NAV3: variants seen among roughly 807,000 people sequenced by gnomAD.
NAV3 encodes pore membrane and/or filament interacting like protein 1.
In NAV3, 87 loss-of-function variants were observed where a neutral mutation model predicts 244.7. The observed-to-expected ratio is 0.36, with a 90% CI of 0.30 to 0.42. The LOEUF (loss-of-function observed/expected upper bound fraction) is 0.42, where lower values mean the gene tolerates loss of function less well. NAV3 is among the 20% of genes least tolerant of loss of function. The pLI is 1.00. For missense variants in NAV3, 2,663 were observed against 2,893.3 expected (o/e 0.92, Z 1.83); for synonymous variants, 1,126 against 1,042.2 (o/e 1.08, Z -1.55).
chr12:78,030,218 G>A (rs879562070), intron 9 of NAV3, among the ~76,000 whole-genome samples: 1 of 152,116 alleles, frequency 6.6e-6, no homozygotes, highest in African/African-American at 2.4e-5. Flanking sequence ...ATAAAAGAAT[G>A]AACCTCTCAG....
chr12:77,758,782 G>C (rs1047807505), intron 2 of NAV3, among the ~76,000 whole-genome samples: 2 of 152,176 alleles, frequency 1.3e-5, no homozygotes, highest in Admixed American at 6.5e-5. Flanking sequence ...GGAAATAAAT[G>C]AGAGAAAATA....
At chr12:77,629,875 A>G (rs143267124) in intron 2 of NAV3, among the ~76,000 whole-genome samples, 1 of 152,300 alleles carries the variant, frequency 6.6e-6, no homozygotes, top group Non-Finnish European at 1.5e-5. Context: ...GGTTGGACGA[A>G]TCCATAAAAA....
At chr12:77,598,297 T>C (rs1452311730) in intron 2 of NAV3, among the ~76,000 whole-genome samples, 1 of 152,102 alleles carries the variant, frequency 6.6e-6, no homozygotes, top group Non-Finnish European at 1.5e-5. Context: ...TGTATGGATG[T>C]ATCCCAATCT....
intron 4 of NAV3, 125 bp from the exon 5 acceptor site, chr12:77,968,394 T>G (rs1218900816): frequency 9.3e-6 from 7 of 749,330 alleles, no homozygotes; most frequent in Admixed American, 2.5e-5. Flanking sequence ...GATTCAACTG[T>G]GACTGAGAGA....
intron 1 of NAV3, among the ~76,000 whole-genome samples, chr12:77,870,381 G>C (rs551183210): frequency 7.4e-6 from 1 of 135,960 alleles, no homozygotes; most frequent in African/African-American, 2.7e-5. Flanking sequence ...AAAAAAAAAA[G>C]AAAAGTTTCT....
At chr12:78,206,982 C>T (rs1249192529) in intron 39 of NAV3, among the ~76,000 whole-genome samples, 1 of 151,348 alleles carries the variant, frequency 6.6e-6, no homozygotes, top group Non-Finnish European at 1.5e-5. Flanking sequence ...CCTCAGCCTC[C>T]AGAGTAGCTG....
chr12:77,984,479 A>ATT (rs33928359), intron 5 of NAV3, among the ~76,000 whole-genome samples: 24,036 of 146,050 alleles, frequency 0.16, 2,233 homozygotes, highest in African/African-American at 0.25. Flanking sequence ...TCAAGTATGC[A>ATT]TTTTTTTTTT....
At chr12:78,008,577 C>A (rs1201718414) in intron 8 of NAV3, among the ~76,000 whole-genome samples, 1 of 151,728 alleles carries the variant, frequency 6.6e-6, no homozygotes, top group Non-Finnish European at 1.5e-5. Context: ...AAGAAAGGGT[C>A]AAAACTATAT....
chr12:77,816,689 A>C (rs1183556495), intron 2 of NAV3, among the ~76,000 whole-genome samples: 1 of 152,012 alleles, frequency 6.6e-6, no homozygotes, highest in Admixed American at 6.6e-5. Context: ...TGTGCCATTT[A>C]CCTCCATGTT....
chr12:78,176,976 C>T (rs546423284), intron 26 of NAV3, among the ~76,000 whole-genome samples, 165 bp from the exon 27 acceptor site: 6 of 152,094 alleles, frequency 3.9e-5, no homozygotes, highest in Admixed American at 1.3e-4. Flanking sequence ...ACACAAAACA[C>T]GGTATCATTT....
In NAV3 at chr12:77,854,381, G is replaced by A. The variant is rs555747144; in HGVS notation, c.243+22677G>A. On this transcript the variant is annotated intron_variant, in intron 1 of 39. Coordinates refer to ENST00000397909, the MANE Select transcript of NAV3 (RefSeq NM_001024383.2). ...TAAATCTGCATAAATCCCCTAAATC[G>A]TACTTTTATGATTATTATCAAACAA... 1.7e-4 allele frequency among the ~76,000 whole-genome samples: 26 copies of A among 152,130 alleles called. 1 individual carries two copies. In the South Asian group the frequency reaches 5.0e-3, roughly 29 times the overall value.
chr12:77,785,865 C>T (rs1040743872), intron 2 of NAV3, among the ~76,000 whole-genome samples: 1 of 152,180 alleles, frequency 6.6e-6, no homozygotes, highest in Non-Finnish European at 1.5e-5. Context: ...AACCTGTGGT[C>T]ATCCCTCCTT....
intron 2 of NAV3, among the ~76,000 whole-genome samples, chr12:77,655,301 T>C (rs574762263): frequency 1.3e-5 from 2 of 151,962 alleles, no homozygotes; most frequent in Non-Finnish European, 2.9e-5. Flanking sequence ...GAGAACTACG[T>C]GAAGAATGCA....
At chr12:77,578,147 A>G (rs1449766901) in intron 2 of NAV3, among the ~76,000 whole-genome samples, 1 of 152,236 alleles carries the variant, frequency 6.6e-6, no homozygotes, top group Non-Finnish European at 1.5e-5. Flanking sequence ...ATGACTGCAA[A>G]GTTGAAAAAA....
intron 5 of NAV3, among the ~76,000 whole-genome samples, chr12:77,980,122 C>G (rs1869296571): frequency 6.6e-6 from 1 of 152,058 alleles, no homozygotes; most frequent in Non-Finnish European, 1.5e-5. Flanking sequence ...ATATAATTAT[C>G]TGATAAGTTT....
At chr12:77,692,152 G>A (rs181987946) in intron 2 of NAV3, among the ~76,000 whole-genome samples, 1 of 151,988 alleles carries the variant, frequency 6.6e-6, no homozygotes, top group East Asian at 1.9e-4. Flanking sequence ...ATAAATGGGA[G>A]ACAAAAAGAA....
intron 2 of NAV3, among the ~76,000 whole-genome samples, chr12:77,807,880 T>C (rs548989789): frequency 6.6e-6 from 1 of 152,316 alleles, no homozygotes; most frequent in Non-Finnish European, 1.5e-5. Flanking sequence ...TTCCTTTTCA[T>C]TCTTTTTTCT....
intron 3 of NAV3, among the ~76,000 whole-genome samples, chr12:77,943,082 T>G (rs1890028581): frequency 6.6e-6 from 1 of 152,206 alleles, no homozygotes; most frequent in South Asian, 2.1e-4. Context: ...GGAAAAACAA[T>G]TCCAAAGCTC....
chr12:78,066,804 C>G (rs1252043915), intron 12 of NAV3, among the ~76,000 whole-genome samples: 1 of 152,058 alleles, frequency 6.6e-6, no homozygotes, highest in Non-Finnish European at 1.5e-5. Context: ...GCTGAAATCA[C>G]AGTTTCCAAA....
Sources: gnomAD v4.1 joint callset for allele counts (sites outside exome capture counted in the v4.1 genomes callset) on GRCh38, gnomAD v4.1.1 for gene constraint, MANE v1.5 for transcripts, NCBI Gene and HGNC (gene_info 2026-07-23, HGNC 2026-07-21) for gene names.